ZBBX: variants seen among roughly 807,000 people sequenced by gnomAD.
ZBBX encodes zinc finger B-box domain-containing protein 1.
Under a neutral mutation model 108.5 loss-of-function variants are expected in ZBBX, and 101 were observed. The observed-to-expected ratio is 0.93, with a 90% CI of 0.79 to 1.10. The LOEUF (loss-of-function observed/expected upper bound fraction) is 1.10, where lower values mean the gene tolerates loss of function less well. ZBBX is among the 50% of genes least tolerant of loss of function. The pLI, the probability that ZBBX is intolerant of heterozygous loss-of-function variation, is 0.00. For missense variants in ZBBX, 1,009 were observed against 941.4 expected (o/e 1.07, Z -0.94); for synonymous variants, 356 against 323.4 (o/e 1.10, Z -1.08).
chr3:167,361,024 A>C (rs972002930), intron 6 of ZBBX, among the ~76,000 whole-genome samples: 5 of 152,076 alleles, frequency 3.3e-5, no homozygotes, highest in Admixed American at 2.6e-4. Context: ...ATTTGCTAGT[A>C]TTCAAATATT....
At chr3:167,321,395 T>C (rs1736422009) in intron 12 of ZBBX, among the ~76,000 whole-genome samples, 1 of 151,988 alleles carries the variant, frequency 6.6e-6, no homozygotes, top group South Asian at 2.1e-4. Flanking sequence ...GGAAACAGAT[T>C]ACAGTTCAAT....
At chr3:167,371,851 A>G (rs1746209399) in intron 4 of ZBBX, among the ~76,000 whole-genome samples, 1 of 152,198 alleles carries the variant, frequency 6.6e-6, no homozygotes, top group African/African-American at 2.4e-5. Context: ...GCATTAGAAT[A>G]GCTTTGAAGA....
chr3:167,300,183 C>A (rs1426115802), intron 17 of ZBBX, among the ~76,000 whole-genome samples: 1 of 152,038 alleles, frequency 6.6e-6, no homozygotes, highest in Non-Finnish European at 1.5e-5. Context: ...ATAAAAGGGG[C>A]AATCCTGGAG....
At chr3:167,241,582 GATA>G (rs1388932097) in intron 21 of ZBBX, among the ~76,000 whole-genome samples, 4 of 152,100 alleles carry the variant, frequency 2.6e-5, no homozygotes, top group African/African-American at 9.7e-5. Context: ...AAATATAAAT[GATA>G]ATAGAAATGC....
At chr3:167,207,996 A>C in the ZBBX span, among the ~76,000 whole-genome samples, 2 of 152,148 alleles carry the variant, frequency 1.3e-5, no homozygotes, top group Non-Finnish European at 2.9e-5. Flanking sequence ...GAGAATCTGC[A>C]TTTGGGGGAG....
chr3:167,275,967 G>C (rs896876878), intron 20 of ZBBX, among the ~76,000 whole-genome samples: 2 of 152,182 alleles, frequency 1.3e-5, no homozygotes, highest in African/African-American at 2.4e-5. Flanking sequence ...GTGGGTCCCT[G>C]ACCCCTGACC....
At chr3:167,244,273 C>A (rs572056007) in intron 20 of ZBBX, among the ~76,000 whole-genome samples, 1 of 151,992 alleles carries the variant, frequency 6.6e-6, no homozygotes, top group Non-Finnish European at 1.5e-5. Flanking sequence ...CCTATTTTTC[C>A]GTATGGTAAA....
At chr3:167,284,186 CTA>C (rs772993912) in intron 19 of ZBBX, among the ~76,000 whole-genome samples, 4 of 121,010 alleles carry the variant, frequency 3.3e-5, no homozygotes, top group African/African-American at 1.0e-4. Flanking sequence ...AAACATATAT[CTA>C]TATCTATATA....
chr3:167,334,429 C>T (rs1253698675), intron 9 of ZBBX, among the ~76,000 whole-genome samples: 2 of 151,962 alleles, frequency 1.3e-5, no homozygotes, highest in African/African-American at 4.8e-5. Context: ...CAGTAATTAG[C>T]CAGGCATGGT....
At chr3:167,197,795 A>G in the ZBBX span, among the ~76,000 whole-genome samples, 1 of 152,238 alleles carries the variant, frequency 6.6e-6, no homozygotes, top group African/African-American at 2.4e-5. Context: ...TTGCTATGCT[A>G]TATAGAAAAG....
chr3:167,276,460 G>A (rs775176543), intron 20 of ZBBX, among the ~76,000 whole-genome samples: 1 of 152,164 alleles, frequency 6.6e-6, no homozygotes, highest in Non-Finnish European at 1.5e-5. Context: ...GAAGCCTCAG[G>A]AGCCGATGCA....
chr3:167,290,407 C>A (rs895890404), intron 18 of ZBBX, among the ~76,000 whole-genome samples: 1 of 152,160 alleles, frequency 6.6e-6, no homozygotes, highest in African/African-American at 2.4e-5. Context: ...GATACCCAGG[C>A]AAACAGGGTC....
the ZBBX span, among the ~76,000 whole-genome samples, chr3:167,212,687 A>G: frequency 6.6e-6 from 1 of 152,170 alleles, no homozygotes; most frequent in Non-Finnish European, 1.5e-5. Flanking sequence ...AAGCTGGGGC[A>G]GGAACATAAA....
At position 167,242,568 on chromosome 3, in the gene ZBBX, T is replaced by G. The variant is rs766631435; in HGVS notation, c.2330A>C (p.Gln777Pro). The change falls in exon 21 of 22, where the codon CAG becomes CCG. Residue 777 changes from glutamine (Q) to proline (P), a missense_variant. By Grantham distance (76) the Gln-to-Pro change is moderately conservative (BLOSUM62 -1). Coordinates refer to ENST00000675490, the MANE Select transcript of ZBBX (RefSeq NM_001199201.2). ...GGTCTTAAGGAAATCTGTGGAAATC[T>G]GACTTATATTCAGTGATTGGCTGCT... is the stretch of plus-strand genomic sequence containing the variant. The part of the protein sequence containing the change: ...DFSSQSLNIS[Q>P]ISTDFLKTSH... 6.2e-7 allele frequency: 1 copy of G among 1,613,774 alleles called. No individual in the cohort carries two copies. Among genetic ancestry groups the G allele is most frequent in the South Asian group, 1.1e-5 (1 of 91,068 alleles).
intron 1 of ZBBX, among the ~76,000 whole-genome samples, chr3:167,403,934 A>T (rs1019016806): frequency 1.3e-5 from 2 of 152,174 alleles, no homozygotes; most frequent in African/African-American, 2.4e-5. Context: ...TATAAATAAG[A>T]TGTTAAACTT....
At chr3:167,307,393 GCTT>G (rs1733836752) in intron 16 of ZBBX, among the ~76,000 whole-genome samples, 1 of 152,134 alleles carries the variant, frequency 6.6e-6, no homozygotes. Context: ...AAGCCCAGAA[GCTT>G]CTTAAGCTGA....
intron 1 of ZBBX, among the ~76,000 whole-genome samples, chr3:167,390,470 T>C (rs1442318823): frequency 6.6e-6 from 1 of 152,074 alleles, no homozygotes; most frequent in African/African-American, 2.4e-5. Context: ...ATACGGGCTC[T>C]TTTTTGGTTC....
intron 11 of ZBBX, 95 bp downstream of exon 11, chr3:167,327,847 G>C: frequency 1.6e-6 from 2 of 1,219,502 alleles, no homozygotes; most frequent in Non-Finnish European, 2.2e-6. Context: ...CCGGAAGGTG[G>C]AGGTTGCAGT....
At chr3:167,179,936 G>T in the ZBBX span, among the ~76,000 whole-genome samples, 2 of 152,196 alleles carry the variant, frequency 1.3e-5, no homozygotes, top group Non-Finnish European at 2.9e-5. Flanking sequence ...AAGGCTTGCG[G>T]TATTTTTGCC....
Sources: allele counts gnomAD v4.1 joint callset (sites outside exome capture counted in the v4.1 genomes callset), GRCh38; gene constraint gnomAD v4.1.1; transcripts MANE v1.5; gene names NCBI Gene and HGNC (gene_info 2026-07-23, HGNC 2026-07-21).